The following GRM3 variants were observed in gnomAD, a reference collection of about 807,000 sequenced individuals.
GRM3 encodes the protein glutamate metabotropic receptor 3.
Under a neutral mutation model 70.5 loss-of-function variants are expected in GRM3, and 26 were observed. That is an observed-to-expected ratio of 0.37 (90% CI 0.27 to 0.51). The LOEUF (loss-of-function observed/expected upper bound fraction) is 0.51, where lower values mean the gene tolerates loss of function less well. Ranked by LOEUF, GRM3 falls within the 20% of genes least tolerant of loss-of-function variation. GRM3 has a pLI of 0.93. For synonymous variants in GRM3, 443 were observed against 434.9 expected (o/e 1.02, Z -0.23); for missense variants, 859 against 1,123.8 (o/e 0.76, Z 3.37).
chr7:86,695,825 T>C (rs1432568051), intron 1 of GRM3, among the ~76,000 whole-genome samples: 1 of 152,174 alleles, frequency 6.6e-6, no homozygotes, highest in Non-Finnish European at 1.5e-5. Context: ...AAGGAAGATG[T>C]CATTTAGACA....
intron 1 of GRM3, among the ~76,000 whole-genome samples, chr7:86,738,268 G>A (rs1044955483): frequency 6.6e-6 from 1 of 152,176 alleles, no homozygotes; most frequent in Non-Finnish European, 1.5e-5. Context: ...AGCTAGACTG[G>A]AAGATGTCAA....
intron 1 of GRM3, among the ~76,000 whole-genome samples, chr7:86,686,468 G>C (rs1342483438): frequency 1.3e-5 from 2 of 152,212 alleles, no homozygotes; most frequent in Non-Finnish European, 2.9e-5. Context: ...GGGTTGCAAA[G>C]ATATTTCAGA....
At chr7:86,705,591 T>C (rs962744562) in intron 1 of GRM3, among the ~76,000 whole-genome samples, 1 of 151,678 alleles carries the variant, frequency 6.6e-6, no homozygotes, top group Non-Finnish European at 1.5e-5. Flanking sequence ...TACTGACCCA[T>C]GTATGCATAC....
At chr7:86,775,218 C>G (rs1289591186) in intron 2 of GRM3, 1 of 151,954 alleles carries the variant, frequency 6.6e-6, no homozygotes, top group Non-Finnish European at 1.5e-5. Context: ...GACCTTTCTC[C>G]AACAACCATT....
intron 5 of GRM3, among the ~76,000 whole-genome samples, chr7:86,854,469 C>T (rs976591360): frequency 1.3e-5 from 2 of 152,132 alleles, no homozygotes; most frequent in African/African-American, 2.4e-5. Context: ...TTACATATTG[C>T]TATGTGCAAA....
At position 86,783,582 on chromosome 7, in the gene GRM3, AT is replaced by A. The variant is rs558389424; in HGVS notation, c.469-2673del. Among the ~76,000 whole-genome samples, 145 of 152,246 alleles carry A rather than the reference AT, an allele frequency of 9.5e-4. 1 individual carries two copies. The highest frequency in any genetic ancestry group is 3.0e-3 in the African/African-American group (123 of 41,556). ...CTTGGTTTTACAACAGAATAAACAC[AT>A]TTTTTAAATGAATAAACCAAACTAA... is the stretch of plus-strand genomic sequence containing the variant. On this transcript the variant is annotated intron_variant, in intron 2 of 5. Coordinates refer to ENST00000361669, the MANE Select transcript of GRM3 (RefSeq NM_000840.3).
intron 3 of GRM3, among the ~76,000 whole-genome samples, chr7:86,808,831 A>T (rs186394057): frequency 6.6e-6 from 1 of 152,152 alleles, no homozygotes; most frequent in Admixed American, 6.6e-5. Context: ...AATATGTTTA[A>T]GGGGAAGCAA....
chr7:86,674,062 A>C (rs1168518582), intron 1 of GRM3, among the ~76,000 whole-genome samples: 2 of 152,120 alleles, frequency 1.3e-5, no homozygotes, highest in African/African-American at 2.4e-5. Context: ...TTGCACCAAA[A>C]TGTAGCCATT....
chr7:86,702,053 T>C (rs1794957348), intron 1 of GRM3, among the ~76,000 whole-genome samples: 1 of 152,022 alleles, frequency 6.6e-6, no homozygotes, highest in Non-Finnish European at 1.5e-5. Context: ...TAAGAAGTCC[T>C]TTTTTATTTA....
intron 5 of GRM3, among the ~76,000 whole-genome samples, chr7:86,861,669 G>A (rs953659748): frequency 6.6e-6 from 1 of 152,120 alleles, no homozygotes; most frequent in Non-Finnish European, 1.5e-5. Context: ...CAGATTTGCT[G>A]TATTTGAGAA....
intron 3 of GRM3, among the ~76,000 whole-genome samples, chr7:86,830,277 T>C (rs1798324797): frequency 6.6e-6 from 1 of 152,140 alleles, no homozygotes; most frequent in African/African-American, 2.4e-5. Flanking sequence ...CAATTTCCAC[T>C]CCACTGTCTC....
In GRM3 at chr7:86,644,691, A is replaced by G; in HGVS notation, c.-322A>G. On this transcript the variant is annotated 5_prime_UTR_variant, in exon 1 of 6. Coordinates refer to ENST00000361669, the MANE Select transcript of GRM3 (RefSeq NM_000840.3). ...CACTGTGACAGGAAGCTGCGCGCACAAGTTGGCCATTTCGAGGGCAAAATA... is the reference window on the plus strand; with the variant it reads ...CACTGTGACAGGAAGCTGCGCGCACGAGTTGGCCATTTCGAGGGCAAAATA... The G allele has an allele frequency of 1.3e-6, 1 of 786,640 alleles. No homozygotes were observed. The highest frequency in any genetic ancestry group is 6.3e-5 in the East Asian group (1 of 15,768). 48.7% of individuals were successfully genotyped at this position (786,640 alleles called of 1,614,324 possible).
chr7:86,689,827 A>T (rs1794655741), intron 1 of GRM3, among the ~76,000 whole-genome samples: 1 of 152,164 alleles, frequency 6.6e-6, no homozygotes, highest in African/African-American at 2.4e-5. Flanking sequence ...TAAGAAGTCC[A>T]TCATTGGTCT....
chr7:86,842,650 G>A (rs1191570718), intron 4 of GRM3, among the ~76,000 whole-genome samples: 2 of 152,170 alleles, frequency 1.3e-5, no homozygotes, highest in African/African-American at 4.8e-5. Context: ...TTGAGCATCA[G>A]TCAACAAGGT....
chr7:86,715,525 T>G lies in GRM3; in HGVS notation c.-140-49481T>G, dbSNP rs1177432840. On this transcript the variant is annotated intron_variant, in intron 1 of 5. Transcript: ENST00000361669. ...CTTTTACTATCATTACAAGTCTATC[T>G]CCCTTGCCAGGCTGGCAGCTCCTTC... 3.3e-5 allele frequency among the ~76,000 whole-genome samples: 5 copies of G among 152,086 alleles called. No homozygotes were observed. In the East Asian group the frequency reaches 9.7e-4, roughly 29 times the overall value.
intron 1 of GRM3, among the ~76,000 whole-genome samples, chr7:86,759,548 A>G (rs2116392319): frequency 6.6e-6 from 1 of 152,294 alleles, no homozygotes; most frequent in African/African-American, 2.4e-5. Context: ...TGTGGAACAT[A>G]CAACAATATC....
intron 1 of GRM3, among the ~76,000 whole-genome samples, chr7:86,707,421 A>G (rs1287933739): frequency 6.6e-6 from 1 of 152,060 alleles, no homozygotes; most frequent in Admixed American, 6.6e-5. Context: ...CTTCCGTGAC[A>G]GAGAGTGTGG....
intron 1 of GRM3, among the ~76,000 whole-genome samples, chr7:86,762,851 A>C (rs920793226): frequency 9.9e-5 from 15 of 152,064 alleles, no homozygotes; most frequent in Admixed American, 5.2e-4. Flanking sequence ...CACCCTAAAC[A>C]CCTACTGAGT....
intron 3 of GRM3, among the ~76,000 whole-genome samples, chr7:86,825,124 T>C (rs1798205183): frequency 6.6e-6 from 1 of 152,224 alleles, no homozygotes; most frequent in Non-Finnish European, 1.5e-5. Flanking sequence ...CTCCACCTTC[T>C]AGTATACCCT....
Sources: allele counts gnomAD v4.1 joint callset (sites outside exome capture counted in the v4.1 genomes callset), GRCh38; gene constraint gnomAD v4.1.1; transcripts MANE v1.5; gene names NCBI Gene and HGNC (gene_info 2026-07-23, HGNC 2026-07-21).